Variants in CSMD3 observed in about 807,000 individuals in gnomAD.
The protein encoded by CSMD3 is CUB and sushi domain-containing protein 3.
CSMD3 carries 177 observed loss-of-function variants against 435.2 expected under a neutral mutation model. That is an observed-to-expected ratio of 0.41 (90% CI 0.36 to 0.46). CSMD3 has a LOEUF of 0.46. Ranked by LOEUF, CSMD3 falls within the 20% of genes least tolerant of loss-of-function variation. CSMD3 has a pLI of 0.34. For synonymous variants in CSMD3, 1,656 were observed against 1,520.5 expected (o/e 1.09, Z -2.07); for missense variants, 4,265 against 4,504.6 (o/e 0.95, Z 1.52).
At chr8:112,815,740 C>CT (rs754553400) in intron 12 of CSMD3, among the ~76,000 whole-genome samples, 1 of 151,840 alleles carries the variant, frequency 6.6e-6, no homozygotes, top group African/African-American at 2.4e-5. Flanking sequence ...GAAGTAAACC[C>CT]TTTTTTCAGG....
chr8:112,358,518 G>A (rs1230279542), intron 38 of CSMD3, among the ~76,000 whole-genome samples: 1 of 152,146 alleles, frequency 6.6e-6, no homozygotes, highest in African/African-American at 2.4e-5. Flanking sequence ...GAACCCAGTG[G>A]CAGGTAATTG....
chr8:112,600,400 G>A (rs896183484), intron 22 of CSMD3, among the ~76,000 whole-genome samples: 1 of 152,012 alleles, frequency 6.6e-6, no homozygotes, highest in Admixed American at 6.6e-5. Flanking sequence ...GATTTATAAC[G>A]ACAAGACCTT....
intron 1 of CSMD3, among the ~76,000 whole-genome samples, chr8:113,363,116 A>G (rs1414194016): frequency 6.6e-6 from 1 of 152,174 alleles, no homozygotes; most frequent in East Asian, 1.9e-4. Flanking sequence ...AACTTCATTA[A>G]GTTACATTGA....
chr8:113,159,574 C>T (rs1403867353), intron 4 of CSMD3, among the ~76,000 whole-genome samples: 1 of 151,858 alleles, frequency 6.6e-6, no homozygotes, highest in African/African-American at 2.4e-5. Flanking sequence ...TACCGTGTGA[C>T]CTCATATATT....
At chr8:112,624,307 C>A (rs902054728) in intron 22 of CSMD3, among the ~76,000 whole-genome samples, 3 of 151,960 alleles carry the variant, frequency 2.0e-5, no homozygotes, top group Non-Finnish European at 2.9e-5. Flanking sequence ...TCAAGAAAAA[C>A]TTCTTTGGCA....
chr8:112,960,744 C>T (rs1311962298), intron 7 of CSMD3, among the ~76,000 whole-genome samples: 1 of 151,494 alleles, frequency 6.6e-6, no homozygotes. Flanking sequence ...TAGAGATAAA[C>T]ATACTAGGGA....
At chr8:112,508,277 A>C (rs1206205301) in intron 28 of CSMD3, among the ~76,000 whole-genome samples, 2 of 152,130 alleles carry the variant, frequency 1.3e-5, no homozygotes, top group Non-Finnish European at 2.9e-5. Context: ...ATTGTTTACT[A>C]TAAGGAAACA....
intron 3 of CSMD3, among the ~76,000 whole-genome samples, chr8:113,183,494 G>C (rs560742040): frequency 1.3e-5 from 2 of 152,030 alleles, no homozygotes; most frequent in South Asian, 4.2e-4. Flanking sequence ...CAATAAGCTT[G>C]GACGGAAATG....
chr8:113,374,763 T>C (rs2094367987), intron 1 of CSMD3, among the ~76,000 whole-genome samples: 1 of 148,088 alleles, frequency 6.8e-6, no homozygotes, highest in Admixed American at 6.8e-5. Flanking sequence ...TTGATCTTAC[T>C]ACTTATTCAA....
chr8:113,174,047 T>C (rs2092311362), intron 3 of CSMD3, 131 bp from the exon 4 acceptor site: 2 of 712,286 alleles, frequency 2.8e-6, no homozygotes, highest in African/African-American at 1.8e-5. Flanking sequence ...AAAGGAACTG[T>C]CTTCTATTCC....
At chr8:113,159,880 A>G (rs969921679) in intron 4 of CSMD3, among the ~76,000 whole-genome samples, 2 of 151,954 alleles carry the variant, frequency 1.3e-5, no homozygotes, top group African/African-American at 4.8e-5. Context: ...TATTATTCCA[A>G]TGATGAAAAA....
chr8:112,320,394 T>C (rs1031911692), intron 45 of CSMD3, among the ~76,000 whole-genome samples: 1 of 152,158 alleles, frequency 6.6e-6, no homozygotes, highest in African/African-American at 2.4e-5. Flanking sequence ...AAATGCTCAG[T>C]GTTTACTTTA....
In CSMD3 at chr8:112,332,327, TAA is replaced by T. The variant is rs35262806; in HGVS notation, c.7165+3000_7165+3001del. On this transcript the variant is annotated intron_variant, in intron 45 of 70. Coordinates refer to ENST00000297405, the MANE Select transcript of CSMD3 (RefSeq NM_198123.2). ...GAAGTGGAGGAAATGGGACTTAACA[TAA>T]AAAGACTTAAATAACTGAAGATGAG... Among the ~76,000 whole-genome samples the T allele has an allele frequency of 8.3e-3, 1,259 of 152,148 alleles. 6 individuals are homozygous for T. The highest frequency in any genetic ancestry group is 0.014 in the Non-Finnish European group (926 of 67,960).
At chr8:112,826,810 T>TG (rs1247411355) in intron 12 of CSMD3, among the ~76,000 whole-genome samples, 1 of 152,156 alleles carries the variant, frequency 6.6e-6, no homozygotes, top group Non-Finnish European at 1.5e-5. Flanking sequence ...CTACTGAAGA[T>TG]GCAGTTCTCA....
chr8:113,291,083 T>A (rs967174322), intron 2 of CSMD3, among the ~76,000 whole-genome samples: 2 of 151,560 alleles, frequency 1.3e-5, no homozygotes, highest in African/African-American at 4.8e-5. Flanking sequence ...TTTTCAACAT[T>A]CTAGGGATAC....
chr8:113,321,815 A>G (rs931342272), intron 1 of CSMD3, among the ~76,000 whole-genome samples: 1 of 152,186 alleles, frequency 6.6e-6, no homozygotes, highest in Non-Finnish European at 1.5e-5. Context: ...ATTTGGGGTG[A>G]ATGCATTTAA....
At chr8:113,120,550 A>C (rs2090957796) in intron 4 of CSMD3, among the ~76,000 whole-genome samples, 3 of 152,218 alleles carry the variant, frequency 2.0e-5, no homozygotes, top group Non-Finnish European at 4.4e-5. Flanking sequence ...CGTTTTATGT[A>C]TTTAGTAGAT....
At chr8:112,433,668 A>AAAAG (rs1813988644) in intron 32 of CSMD3, among the ~76,000 whole-genome samples, 1 of 150,284 alleles carries the variant, frequency 6.7e-6, no homozygotes, top group Non-Finnish European at 1.5e-5. Flanking sequence ...AAAAAAAAAA[A>AAAAG]AAAAGAAAGA....
At chr8:113,372,629 A>G (rs1588619104) in intron 1 of CSMD3, among the ~76,000 whole-genome samples, 1 of 152,120 alleles carries the variant, frequency 6.6e-6, no homozygotes, top group East Asian at 1.9e-4. Flanking sequence ...TACCATTCCA[A>G]AAGCATAGAA....
Sources: allele counts gnomAD v4.1 joint callset (sites outside exome capture counted in the v4.1 genomes callset), GRCh38; gene constraint gnomAD v4.1.1; transcripts MANE v1.5; gene names NCBI Gene and HGNC (gene_info 2026-07-23, HGNC 2026-07-21).